PDLIM1: variants seen among roughly 807,000 people sequenced by gnomAD.
The protein encoded by PDLIM1 is PDZ and LIM domain protein 1.
A neutral mutation model predicts 35.2 loss-of-function variants in PDLIM1; 25 were observed. The observed-to-expected ratio is 0.71, with a 90% CI of 0.52 to 0.99. The LOEUF is 0.99. PDLIM1 is among the 50% of genes least tolerant of loss of function. The pLI, the probability that PDLIM1 is intolerant of heterozygous loss-of-function variation, is 0.00. For synonymous variants in PDLIM1, 152 were observed against 154.0 expected, an observed-to-expected ratio of 0.99 and a Z score of 0.10; for missense variants, 363 against 415.3, an observed-to-expected ratio of 0.87 and a Z score of 1.09.
intron 4 of PDLIM1, among the ~76,000 whole-genome samples, chr10:95,257,003 A>G (rs1433784055): frequency 2.2e-5 from 2 of 90,840 alleles, no homozygotes; most frequent in Non-Finnish European, 3.0e-5. Flanking sequence ...AGAAAGAAAG[A>G]AAGAAAGAAA....
intron 1 of PDLIM1, among the ~76,000 whole-genome samples, chr10:95,284,939 C>G (rs1020985873): frequency 6.6e-6 from 1 of 152,218 alleles, no homozygotes; most frequent in Non-Finnish European, 1.5e-5. Context: ...AATAATCACA[C>G]AGGGTGCTAA....
chr10:95,252,992 G>C (rs564870176), intron 4 of PDLIM1, among the ~76,000 whole-genome samples: 1 of 152,228 alleles, frequency 6.6e-6, no homozygotes, highest in African/African-American at 2.4e-5. Context: ...ATGTCTGAAG[G>C]TGTCCTAAAT....
intron 1 of PDLIM1, among the ~76,000 whole-genome samples, chr10:95,280,353 C>A (rs2035550745): frequency 1.3e-5 from 2 of 152,128 alleles, no homozygotes; most frequent in South Asian, 4.1e-4. Context: ...CCAGCCTGGG[C>A]AACAGAGCGA....
chr10:95,282,914 A>C (rs2133442116), intron 1 of PDLIM1, among the ~76,000 whole-genome samples: 1 of 152,346 alleles, frequency 6.6e-6, no homozygotes, highest in South Asian at 2.1e-4. Context: ...ACTGCACTCC[A>C]GCCCAGGCGA....
At chr10:95,268,929 T>C in intron 2 of PDLIM1, 67 bp from the exon 3 acceptor site, 1 of 1,147,708 alleles carries the variant, frequency 8.7e-7, no homozygotes, top group Non-Finnish European at 1.3e-6. Flanking sequence ...AAAGACAAAC[T>C]GGAAAAATGC....
intron 3 of PDLIM1, among the ~76,000 whole-genome samples, chr10:95,266,909 T>G (rs2035421974): frequency 6.6e-6 from 1 of 152,196 alleles, no homozygotes; most frequent in African/African-American, 2.4e-5. Flanking sequence ...CCAAGGAAAC[T>G]CAATAATGAG....
At chr10:95,280,634 A>G (rs2035553403) in intron 1 of PDLIM1, among the ~76,000 whole-genome samples, 1 of 152,210 alleles carries the variant, frequency 6.6e-6, no homozygotes, top group Non-Finnish European at 1.5e-5. Flanking sequence ...GGGGGTTTTA[A>G]CCAAATATTT....
intron 4 of PDLIM1, among the ~76,000 whole-genome samples, chr10:95,255,253 A>T (rs1322911654): frequency 1.3e-5 from 2 of 151,880 alleles, no homozygotes; most frequent in Non-Finnish European, 2.9e-5. Context: ...TCTTCCAAAA[A>T]ACTGAAGAGA....
intron 5 of PDLIM1, among the ~76,000 whole-genome samples, chr10:95,246,244 G>A (rs1249628516): frequency 6.6e-6 from 1 of 152,232 alleles, no homozygotes; most frequent in South Asian, 2.1e-4. Flanking sequence ...TACCAGGGAA[G>A]AAGCGGGTGT....
At chr10:95,239,698 A>G (rs1429327036) in intron 5 of PDLIM1, among the ~76,000 whole-genome samples, 2 of 152,194 alleles carry the variant, frequency 1.3e-5, no homozygotes, top group African/African-American at 4.8e-5. Flanking sequence ...CAGGAGGCTG[A>G]GGCAAGAGAA....
At chr10:95,280,148 G>A (rs980794751) in intron 1 of PDLIM1, among the ~76,000 whole-genome samples, 1 of 152,290 alleles carries the variant, frequency 6.6e-6, no homozygotes, top group Non-Finnish European at 1.5e-5. Context: ...GGCCAGGGTG[G>A]GTGGATCACT....
At chr10:95,243,746 T>C (rs146202722) in intron 5 of PDLIM1, among the ~76,000 whole-genome samples, 3 of 152,222 alleles carry the variant, frequency 2.0e-5, no homozygotes, top group Non-Finnish European at 2.9e-5. Flanking sequence ...AAATGTAATA[T>C]ACACAAACAA....
chr10:95,284,353 G>C (rs2035584157), intron 1 of PDLIM1, among the ~76,000 whole-genome samples: 3 of 152,046 alleles, frequency 2.0e-5, no homozygotes, highest in African/African-American at 7.2e-5. Flanking sequence ...TAATCTATCT[G>C]TATGCATTTT....
At position 95,237,693 on chromosome 10, in the gene PDLIM1, C is replaced by T; in HGVS notation, c.*232G>A. The T allele has an allele frequency of 1.9e-6, 1 of 520,338 alleles. No individual in the cohort carries two copies. The highest frequency in any genetic ancestry group is 3.4e-6 in the Non-Finnish European group (1 of 291,960). 32.2% of individuals were successfully genotyped at this position (520,338 alleles called of 1,614,324 possible). A position where few individuals can be genotyped will look rare whatever the true frequency, so the allele number is the denominator to read the frequency against. On this transcript the variant is annotated 3_prime_UTR_variant, in exon 7 of 7. Transcript: ENST00000329399. ...AGAAGAACGGTGGGGCGAAGGGACA[C>T]AGTGTTGCTGACAAGGTGACACTGA... is the stretch of plus-strand genomic sequence containing the variant.
rs1408287057 is a variant in PDLIM1 at position 95,259,033 on chromosome 10, A to C, written c.533+4831T>G. Among the ~76,000 whole-genome samples the C allele has an allele frequency of 2.0e-5, 3 of 152,180 alleles. No individual in the cohort carries two copies. In the East Asian group the frequency reaches 5.8e-4, roughly 29 times the overall value. On this transcript the variant is annotated intron_variant, in intron 4 of 6. Transcript: ENST00000329399. ...TAGATAAGTAAGTTGCCAGGGGTTA[A>C]GGAGGATGAGGGAAAAGGAGGGAAG...
chr10:95,247,809 C>T (rs1360306207), intron 4 of PDLIM1, among the ~76,000 whole-genome samples: 3 of 152,230 alleles, frequency 2.0e-5, no homozygotes, highest in South Asian at 2.1e-4. Context: ...TCATTCCCGA[C>T]GATCTCACAG....
rs2035640258 is a variant in PDLIM1 at position 95,290,180 on chromosome 10, C to G, written c.96+640G>C. The stretch of plus-strand genomic sequence containing the variant: ...AGGGGAAAGAGATAATCTGGGAATG[C>G]TAGGAAGAATGACGGCGGGGCCACG... On this transcript the variant is annotated intron_variant, in intron 1 of 6. Transcript: ENST00000329399. The surrounding 1 kb of genome is among the most constrained non-coding windows in gnomAD (Gnocchi z 4.7). Among the ~76,000 whole-genome samples the G allele has an allele frequency of 6.6e-6, 1 of 152,068 alleles. No individual in the cohort carries two copies. Among genetic ancestry groups the G allele is most frequent in the Admixed American group, 6.5e-5 (1 of 15,274 alleles).
At chr10:95,288,853 T>C (rs985716443) in intron 1 of PDLIM1, among the ~76,000 whole-genome samples, 1 of 152,236 alleles carries the variant, frequency 6.6e-6, no homozygotes, top group African/African-American at 2.4e-5. Context: ...CACTAGACCA[T>C]GAACACCTTG....
At chr10:95,253,850 G>C (rs1179234272) in intron 4 of PDLIM1, among the ~76,000 whole-genome samples, 1 of 152,092 alleles carries the variant, frequency 6.6e-6, no homozygotes, top group Non-Finnish European at 1.5e-5. Flanking sequence ...TTGTAAGCAG[G>C]GGAGGGCAAA....
Sources: gnomAD v4.1 joint callset for allele counts (sites outside exome capture counted in the v4.1 genomes callset) on GRCh38, gnomAD v4.1.1 for gene constraint, Gnocchi (gnomAD v3.1) non-coding constraint, MANE v1.5 for transcripts, NCBI Gene and HGNC (gene_info 2026-07-23, HGNC 2026-07-21) for gene names.